Variants in ASAP2 observed in about 807,000 individuals in gnomAD.
ASAP2 encodes ArfGAP with SH3 domain, ankyrin repeat and PH domain 2, also known as arf-GAP with SH3 domain, ANK repeat and PH domain-containing protein 2.
A neutral mutation model predicts 131.4 loss-of-function variants in ASAP2; 45 were observed. That is an observed-to-expected ratio of 0.34 (90% CI 0.27 to 0.44). The LOEUF is 0.44. Ranked by LOEUF, ASAP2 falls within the 20% of genes least tolerant of loss-of-function variation. ASAP2 has a pLI of 1.00. For synonymous variants in ASAP2, 510 were observed against 503.0 expected, an observed-to-expected ratio of 1.01 and a Z score of -0.19; for missense variants, 1,011 against 1,297.0, an observed-to-expected ratio of 0.78 and a Z score of 3.39.
intron 9 of ASAP2, among the ~76,000 whole-genome samples, chr2:9,341,433 T>G (rs968515636): frequency 2.0e-5 from 3 of 152,174 alleles, no homozygotes; most frequent in Non-Finnish European, 4.4e-5. Context: ...AAGAAAAGAA[T>G]AAAACAGGGT....
chr2:9,348,727 A>G (rs1672137923), intron 11 of ASAP2, among the ~76,000 whole-genome samples: 2 of 152,216 alleles, frequency 1.3e-5, no homozygotes, highest in Non-Finnish European at 2.9e-5. Context: ...ATTTTGTGGT[A>G]TGCTGCGAAG....
At chr2:9,237,516 A>G (rs969433840) in intron 1 of ASAP2, among the ~76,000 whole-genome samples, 12 of 151,732 alleles carry the variant, frequency 7.9e-5, no homozygotes, top group Admixed American at 7.9e-4. Flanking sequence ...GGCTCCAGCA[A>G]TCTTCCCATC....
At chr2:9,254,121 G>A (rs1664922036) in intron 1 of ASAP2, among the ~76,000 whole-genome samples, 1 of 140,198 alleles carries the variant, frequency 7.1e-6, no homozygotes, top group Non-Finnish European at 1.5e-5. Flanking sequence ...CAGGAGAATT[G>A]CTTGAAGCCA....
chr2:9,297,379 T>C lies in ASAP2; in HGVS notation c.279T>C (p.Asp93=). The C allele has an allele frequency of 6.2e-7, 1 of 1,614,128 alleles. No individual in the cohort carries two copies. Among genetic ancestry groups the C allele is most frequent in the South Asian group, 1.1e-5 (1 of 91,078 alleles). ...GGNCVCRDDP[D]LGSAFLKFSV... ...ACTGTGTATGCAGAGATGACCCAGA[T>C]TTAGGAAGTGCGTTCCTGAAGTTCT... Residue 93 remains aspartate, a synonymous_variant, in exon 3 of 28, where the codon GAT becomes GAC. Coordinates refer to ENST00000281419, the MANE Select transcript of ASAP2 (RefSeq NM_003887.3).
chr2:9,246,070 G>T (rs1558262548), intron 1 of ASAP2, among the ~76,000 whole-genome samples: 1 of 152,180 alleles, frequency 6.6e-6, no homozygotes, highest in South Asian at 2.1e-4. Flanking sequence ...GTGTTGACTG[G>T]CAGGAGCCCT....
chr2:9,378,032 T>C (rs1363497090), intron 18 of ASAP2, among the ~76,000 whole-genome samples: 1 of 152,338 alleles, frequency 6.6e-6, no homozygotes, highest in South Asian at 2.1e-4. Context: ...AGTTTCTTTT[T>C]TTCCAGAGTG....
intron 2 of ASAP2, among the ~76,000 whole-genome samples, chr2:9,290,758 A>G (rs557392909): frequency 2.0e-5 from 3 of 152,340 alleles, no homozygotes; most frequent in South Asian, 4.1e-4. Context: ...GCCCACTGCG[A>G]CTTGGAACAC....
In ASAP2 at chr2:9,302,275, C is replaced by T. The variant is rs972852649; in HGVS notation, c.345+4830C>T. Reference sequence around the variant, plus strand: ...GCAGCCTCTGCCTCTCGCGTTCAAGCGATCCTTCTGCCTCAGCCTCCCGAG... The same window carrying T: ...GCAGCCTCTGCCTCTCGCGTTCAAGTGATCCTTCTGCCTCAGCCTCCCGAG... On this transcript the variant is annotated intron_variant, in intron 3 of 27. Transcript: ENST00000281419. 3.1e-4 allele frequency among the ~76,000 whole-genome samples: 46 copies of T among 150,124 alleles called. 1 individual carries two copies. The highest frequency in any genetic ancestry group is 9.8e-4 in the African/African-American group (40 of 40,626).
intron 20 of ASAP2, among the ~76,000 whole-genome samples, chr2:9,381,048 GC>G (rs1674801294): frequency 6.6e-6 from 1 of 152,192 alleles, no homozygotes; most frequent in Non-Finnish European, 1.5e-5. Context: ...TTGCTGGTTG[GC>G]CGTGTTGGTA....
intron 27 of ASAP2, 25 bp downstream of exon 27, chr2:9,401,421 G>A: frequency 6.2e-7 from 1 of 1,610,378 alleles, no homozygotes; most frequent in Non-Finnish European, 8.5e-7. Flanking sequence ...GGCCTGGGAG[G>A]TTCCTGGGGG....
Position 9,403,607 on chromosome 2 carries a change from C to T in ASAP2, c.*280C>T, listed in dbSNP as rs1321722075. On this transcript the variant is annotated 3_prime_UTR_variant, in exon 28 of 28. Transcript: ENST00000281419. ...TTAACTATTATACATAATCAAGATCCTGCCTCTACGGAATTAGCTAAACCT... is the reference window on the plus strand; with the variant it reads ...TTAACTATTATACATAATCAAGATCTTGCCTCTACGGAATTAGCTAAACCT... 1 of 366,458 alleles carries T rather than the reference C, an allele frequency of 2.7e-6. No individual in the cohort carries two copies. Among genetic ancestry groups the T allele is most frequent in the Admixed American group, 4.4e-5 (1 of 22,666 alleles). The allele number at this position is 366,458 out of a possible 1,614,324, so 22.7% of individuals were successfully genotyped here.
chr2:9,252,612 CAGTT>C, intron 1 of ASAP2, among the ~76,000 whole-genome samples: 1 of 151,096 alleles, frequency 6.6e-6, no homozygotes, highest in East Asian at 2.0e-4. Flanking sequence ...CTTCGGAAGA[CAGTT>C]AAAGAATTTA....
chr2:9,250,524 T>C (rs1191928530), intron 1 of ASAP2, among the ~76,000 whole-genome samples: 1 of 152,160 alleles, frequency 6.6e-6, no homozygotes, highest in Non-Finnish European at 1.5e-5. Flanking sequence ...AAAAGTGTTT[T>C]CCCATTCCAC....
At chr2:9,234,265 A>G (rs1558253532) in intron 1 of ASAP2, among the ~76,000 whole-genome samples, 2 of 152,162 alleles carry the variant, frequency 1.3e-5, no homozygotes, top group South Asian at 4.2e-4. Context: ...TCAGCTTCCT[A>G]AGCTTGAGCT....
At chr2:9,285,625 G>C (rs1280300732) in intron 2 of ASAP2, among the ~76,000 whole-genome samples, 1 of 152,126 alleles carries the variant, frequency 6.6e-6, no homozygotes, top group Admixed American at 6.5e-5. Flanking sequence ...CCAAGCTCTG[G>C]CTCAGCCCAA....
chr2:9,216,336 G>A (rs968513678), intron 1 of ASAP2, among the ~76,000 whole-genome samples: 5 of 146,154 alleles, frequency 3.4e-5, no homozygotes, highest in Non-Finnish European at 7.5e-5. Flanking sequence ...GCCCAGGCTT[G>A]AGTGCAGTGG....
At chr2:9,317,592 TCA>T (rs1669847581) in intron 3 of ASAP2, among the ~76,000 whole-genome samples, 1 of 140,032 alleles carries the variant, frequency 7.1e-6, no homozygotes, top group African/African-American at 2.7e-5. Flanking sequence ...CCGTACACAA[TCA>T]CATTCACGCA....
chr2:9,265,807 T>C (rs942517637), intron 1 of ASAP2, among the ~76,000 whole-genome samples: 6 of 152,240 alleles, frequency 3.9e-5, no homozygotes, highest in African/African-American at 1.4e-4. Context: ...AGTTTCACTC[T>C]TGTTGCCAAA....
At position 9,311,209 on chromosome 2, in the gene ASAP2, TG is replaced by T. The variant is rs1240296211; in HGVS notation, c.346-7311del. Among the ~76,000 whole-genome samples, 1 of 151,876 alleles carries T rather than the reference TG, an allele frequency of 6.6e-6. No individual in the cohort carries two copies. The highest frequency in any genetic ancestry group is 1.5e-5 in the Non-Finnish European group (1 of 67,948). On this transcript the variant is annotated intron_variant, in intron 3 of 27. Coordinates refer to ENST00000281419, the MANE Select transcript of ASAP2 (RefSeq NM_003887.3). This position sits in a 1 kb window ranked among gnomAD's most constrained non-coding sequence, Gnocchi z 5.2. ...AAGTTTGAGACCAGCGTTGGCAACA[TG>T]GGGAGACCCTGTCTTGACAAAAAAT...
Sources: allele counts gnomAD v4.1 joint callset (sites outside exome capture counted in the v4.1 genomes callset), GRCh38; gene constraint gnomAD v4.1.1; non-coding constraint Gnocchi (gnomAD v3.1); transcripts MANE v1.5; gene names NCBI Gene and HGNC (gene_info 2026-07-23, HGNC 2026-07-21).